ALOX12B: variants seen among roughly 807,000 people sequenced by gnomAD.
ALOX12B encodes the protein arachidonate 12-lipoxygenase, 12R-type.
A neutral mutation model predicts 78.9 loss-of-function variants in ALOX12B; 47 were observed. The ratio of observed to expected loss-of-function variants is 0.60; its 90% CI spans 0.47 to 0.76. ALOX12B has a LOEUF of 0.76. Among genes scored for constraint, ALOX12B ranks in the 30% least tolerant of loss-of-function variants. The pLI, the probability that ALOX12B is intolerant of heterozygous loss-of-function variation, is 0.00. For missense variants in ALOX12B, 805 were observed against 922.6 expected (o/e 0.87, Z 1.65); for synonymous variants, 370 against 374.5 (o/e 0.99, Z 0.14).
At chr17:8,074,825 C>G (rs754861511) in intron 12 of ALOX12B, among the ~76,000 whole-genome samples, 25 of 152,224 alleles carry the variant, frequency 1.6e-4, no homozygotes, top group Non-Finnish European at 3.1e-4. Context: ...TCCCTATGCT[C>G]TCTCTGGCTT....
At chr17:8,086,402 G>T (rs1978298620) in intron 1 of ALOX12B, among the ~76,000 whole-genome samples, 182 bp from the exon 2 acceptor site, 1 of 152,096 alleles carries the variant, frequency 6.6e-6, no homozygotes, top group South Asian at 2.1e-4. Flanking sequence ...CAGCTTGGGG[G>T]TCTCCTACTG....
chr17:8,084,015 G>A (rs977419671), intron 2 of ALOX12B, among the ~76,000 whole-genome samples: 1 of 152,012 alleles, frequency 6.6e-6, no homozygotes, highest in Non-Finnish European at 1.5e-5. Flanking sequence ...AAAATTAGCC[G>A]GGCGTGGTGG....
At chr17:8,075,526 A>G in intron 12 of ALOX12B, 69 bp downstream of exon 12, 1 of 1,609,994 alleles carries the variant, frequency 6.2e-7, no homozygotes, top group South Asian at 1.1e-5. Context: ...GGAGGGCCCT[A>G]GCAGACCTGC....
chr17:8,073,669 G>T lies in ALOX12B; in HGVS notation c.1743C>A (p.Val581=). 3 of 1,614,136 alleles carry T rather than the reference G, an allele frequency of 1.9e-6. No homozygotes were observed. In the South Asian group the frequency reaches 3.3e-5, roughly 18 times the overall value. Reference sequence around the variant, plus strand: ...AGACCACCGGTACCTGGCCTGTGTTGACAGCAGCGTGCTTGGCAGAGCAGG... The same window carrying T: ...AGACCACCGGTACCTGGCCTGTGTTTACAGCAGCGTGCTTGGCAGAGCAGG... ...IYTCSAKHAA[V]NTGQMEFTAW... Residue 581 remains valine (V), a synonymous_variant, in exon 13 of 15, where the codon GTC becomes GTA. Transcript: ENST00000647874.
At chr17:8,076,569 A>G (rs960106852) in intron 10 of ALOX12B, 88 bp downstream of exon 10, 2 of 1,453,134 alleles carry the variant, frequency 1.4e-6, no homozygotes, top group Non-Finnish European at 1.9e-6. Context: ...TGATGACCCA[A>G]AGGCAAATGG....
At position 8,076,275 on chromosome 17, in the gene ALOX12B, TG is replaced by T. The variant is rs775205776; in HGVS notation, c.1431del (p.Asp477GlufsTer37). Reference protein sequence around the residue: ...MVRALSELTYDSLYLPNDFVE... With the variant: ...MVRALSELTYXSLYLPNDFVE... ...ACAAAGTCATTGGGGAGGTAGAGGC[TG>T]TCATAGGTGAGCTCCGACAGAGCCC... On this transcript the variant is annotated frameshift_variant, in exon 11 of 15. Transcript: ENST00000647874. LOFTEE classifies it high-confidence loss of function. 1 of 1,614,038 alleles carries T rather than the reference TG, an allele frequency of 6.2e-7. No individual in the cohort carries two copies. The highest frequency in any genetic ancestry group is 8.5e-7 in the Non-Finnish European group (1 of 1,179,978).
In ALOX12B at chr17:8,075,727, G is replaced by C. The variant is rs199760981; in HGVS notation, c.1533-11C>G. ...ATCTCCGTCACATACCTGACCAGGG[G>C]ACAGGGCCTCAGTTTGGATCCTCCT... On this transcript the variant is annotated splice_polypyrimidine_tract_variant and intron_variant, in intron 11 of 14. Transcript: ENST00000647874. 2.6e-3 allele frequency: 4,241 copies of C among 1,614,140 alleles called. 30 individuals carry two copies. Among genetic ancestry groups the C allele is most frequent in the South Asian group, 0.018 (1,658 of 91,084 alleles).
rs148290965 is a variant in ALOX12B, at chr17:8,075,021, G to A, written c.1654+574C>T. 2.9e-4 allele frequency among the ~76,000 whole-genome samples: 44 copies of A among 152,298 alleles called. 1 individual carries two copies. In the East Asian group the frequency reaches 8.5e-3, roughly 29 times the overall value. On this transcript the variant is annotated intron_variant, in intron 12 of 14. Coordinates refer to ENST00000647874, the MANE Select transcript of ALOX12B (RefSeq NM_001139.3). ...ACTACCCCTTCCCAAAGTGGGTTAG[G>A]CGCCTTCCCTGGGCTTCCCCACAAC... is the stretch of plus-strand genomic sequence containing the variant.
intron 13 of ALOX12B, 128 bp downstream of exon 13, chr17:8,073,529 G>C: frequency 9.2e-7 from 1 of 1,089,238 alleles, no homozygotes; most frequent in Non-Finnish European, 1.4e-6. Context: ...TGGGACTGGA[G>C]TTGAAGCTGG....
chr17:8,077,920 T>G (rs1342583377), intron 8 of ALOX12B, among the ~76,000 whole-genome samples: 1 of 152,156 alleles, frequency 6.6e-6, no homozygotes, highest in African/African-American at 2.4e-5. Flanking sequence ...TCCGTATCCA[T>G]GGGTTCCACA....
intron 13 of ALOX12B, 77 bp from the exon 14 acceptor site, chr17:8,073,395 G>A (rs936825469): frequency 5.0e-6 from 8 of 1,584,774 alleles, no homozygotes; most frequent in South Asian, 2.2e-5. Context: ...CTGACCACCC[G>A]CCCTCCAGTC....
Position 8,080,477 on chromosome 17 carries a change from C to G in ALOX12B, c.651-139G>C, listed in dbSNP as rs544788205. On this transcript the variant is annotated intron_variant, in intron 5 of 14. Coordinates refer to ENST00000647874, the MANE Select transcript of ALOX12B (RefSeq NM_001139.3). This position sits in a 1 kb window ranked among gnomAD's most constrained non-coding sequence, Gnocchi z 4.8. ...CGCAAAGTCTCTGGGTCCCATGTCT[C>G]AAGATCTTTGCATCTCTAGGTCTCT... is the stretch of plus-strand genomic sequence containing the variant. 2 of 1,390,842 alleles carry G rather than the reference C, an allele frequency of 1.4e-6. No homozygotes were observed. Among genetic ancestry groups the G allele is most frequent in the Admixed American group, 3.7e-5 (2 of 54,182 alleles). The allele number at this position is 1,390,842 out of a possible 1,614,324, so 86.2% of individuals were successfully genotyped here.
intron 2 of ALOX12B, among the ~76,000 whole-genome samples, chr17:8,084,791 G>A (rs938650867): frequency 2.6e-5 from 4 of 152,292 alleles, no homozygotes; most frequent in East Asian, 3.9e-4. Context: ...CCTCCCATTC[G>A]CCTCAAGGGA....
chr17:8,072,934 A>C lies in ALOX12B; in HGVS notation c.1943T>G (p.Phe648Cys). The change falls in exon 15 of 15, where the codon TTC (phenylalanine) becomes TGC (cysteine). Residue 648 changes from phenylalanine (F) to cysteine (C), a missense_variant. By Grantham distance (205) the Phe-to-Cys change is radical. Coordinates refer to ENST00000647874, the MANE Select transcript of ALOX12B (RefSeq NM_001139.3). ...EPDDRRPLGH[F>C]PDIHFVEEAP... is the part of the protein sequence containing the mutation. ...CTCCTCCACGAAGTGAATGTCCGGGAAGTGTCCCAGGGGCCGCTGCGGGCA... is the reference window on the plus strand; with the variant it reads ...CTCCTCCACGAAGTGAATGTCCGGGCAGTGTCCCAGGGGCCGCTGCGGGCA... The C allele has an allele frequency of 6.2e-7, 1 of 1,613,040 alleles. No homozygotes were observed. Among genetic ancestry groups the C allele is most frequent in the South Asian group, 1.1e-5 (1 of 91,040 alleles).
intron 8 of ALOX12B, among the ~76,000 whole-genome samples, chr17:8,077,744 G>C (rs762650815): frequency 7.9e-5 from 12 of 152,218 alleles, no homozygotes; most frequent in Non-Finnish European, 1.8e-4. Context: ...CAGAGGCTAA[G>C]TCTAATTATC....
chr17:8,086,903 A>G (rs1270937655), intron 1 of ALOX12B, among the ~76,000 whole-genome samples: 2 of 151,986 alleles, frequency 1.3e-5, no homozygotes, highest in African/African-American at 4.8e-5. Flanking sequence ...AAGGATTGAG[A>G]AAAGAGAGAT....
intron 10 of ALOX12B, 30 bp from the exon 11 acceptor site, chr17:8,076,374 G>A (rs758118424): frequency 1.5e-5 from 24 of 1,568,274 alleles, no homozygotes; most frequent in African/African-American, 1.1e-4. Flanking sequence ...TCCTGGAGCC[G>A]GACAGGCATC....
At chr17:8,074,885 TCA>T (rs372817631) in intron 12 of ALOX12B, among the ~76,000 whole-genome samples, 113 of 152,326 alleles carry the variant, frequency 7.4e-4, no homozygotes, top group African/African-American at 2.5e-3. Flanking sequence ...GTCCCCATCC[TCA>T]GTCATCTCGA....
Position 8,080,098 on chromosome 17 carries a change from T to C in ALOX12B, c.754+137A>G, listed in dbSNP as rs1228087686. The C allele has an allele frequency of 2.0e-6, 3 of 1,479,770 alleles. No individual in the cohort carries two copies. The highest frequency in any genetic ancestry group is 2.8e-6 in the Non-Finnish European group (3 of 1,062,784). 91.7% of individuals were successfully genotyped at this position (1,479,770 alleles called of 1,614,324 possible). On this transcript the variant is annotated intron_variant, in intron 6 of 14. Coordinates refer to ENST00000647874, the MANE Select transcript of ALOX12B (RefSeq NM_001139.3). The surrounding 1 kb of genome is among the most constrained non-coding windows in gnomAD (Gnocchi z 4.8). ...GCGGCCGGAGGAGCCCGGTGCGACATTTTCCAAGAAGCCGCCAGAGGGCGC... is the reference window on the plus strand; with the variant it reads ...GCGGCCGGAGGAGCCCGGTGCGACACTTTCCAAGAAGCCGCCAGAGGGCGC...
Sources: gnomAD v4.1 joint callset for allele counts (sites outside exome capture counted in the v4.1 genomes callset) on GRCh38, gnomAD v4.1.1 for gene constraint, Gnocchi (gnomAD v3.1) non-coding constraint, MANE v1.5 for transcripts, NCBI Gene and HGNC (gene_info 2026-07-23, HGNC 2026-07-21) for gene names.